Variants in MAPKAPK3 observed in about 807,000 individuals in gnomAD.
The protein encoded by MAPKAPK3 is MAP kinase-activated protein kinase 3.
Under a neutral mutation model 49.2 loss-of-function variants are expected in MAPKAPK3, and 35 were observed. The observed-to-expected ratio is 0.71, with a 90% CI of 0.54 to 0.94. MAPKAPK3 has a LOEUF of 0.94. Among genes scored for constraint, MAPKAPK3 ranks in the 40% least tolerant of loss-of-function variants. MAPKAPK3 has a pLI of 0.00. For missense variants in MAPKAPK3, 398 were observed against 493.1 expected (o/e 0.81, Z 1.83); for synonymous variants, 178 against 188.7 (o/e 0.94, Z 0.46).
At chr3:50,633,395 G>C (rs918231259) in intron 2 of MAPKAPK3, among the ~76,000 whole-genome samples, 1 of 149,438 alleles carries the variant, frequency 6.7e-6, no homozygotes, top group Non-Finnish European at 1.5e-5. Context: ...CCCTACACAC[G>C]ATGTATGCAT....
upstream of MAPKAPK3, chr3:50,612,794 G>A (rs454386): frequency 6.6e-6 from 1 of 152,160 alleles, no homozygotes. Flanking sequence ...TAGGGTGATA[G>A]AGGTTGGGGC....
Position 50,645,737 on chromosome 3 carries a change from A to T in MAPKAPK3, c.656A>T (p.Tyr219Phe). ...VAPEVLGPEKYDKSCDMWSLG... is the reference protein window; with the variant it reads ...VAPEVLGPEKFDKSCDMWSLG... ...CCTGAGGTCCTGGGTCCAGAGAAGT[A>T]TGACAAGTCATGTGACATGTGGTCC... Residue 219 changes from tyrosine (Y) to phenylalanine (F), a missense_variant, in exon 7 of 11, where the codon TAT (tyrosine) becomes TTT (phenylalanine). Tyr to Phe is a conservative substitution (Grantham distance 22). Transcript: ENST00000621469. 1.9e-6 allele frequency: 3 copies of T among 1,614,100 alleles called. No homozygotes were observed. Among genetic ancestry groups the T allele is most frequent in the Non-Finnish European group, 2.5e-6 (3 of 1,180,000 alleles).
chr3:50,624,059 G>A (rs2032674421), intron 2 of MAPKAPK3, among the ~76,000 whole-genome samples: 1 of 152,256 alleles, frequency 6.6e-6, no homozygotes, highest in Admixed American at 6.5e-5. Flanking sequence ...CCCAGGCCTT[G>A]TGAGTCTCAG....
chr3:50,636,270 A>G (rs2033039762), intron 2 of MAPKAPK3, among the ~76,000 whole-genome samples: 1 of 152,224 alleles, frequency 6.6e-6, no homozygotes, highest in African/African-American at 2.4e-5. Context: ...GGGATCAGCC[A>G]TGTGATTTGG....
At chr3:50,645,368 A>G (rs2033266033) in intron 6 of MAPKAPK3, among the ~76,000 whole-genome samples, 1 of 152,140 alleles carries the variant, frequency 6.6e-6, no homozygotes, top group African/African-American at 2.4e-5. Flanking sequence ...GGCAAGGGAC[A>G]CAGGACAGCT....
chr3:50,644,298 TG>T, intron 5 of MAPKAPK3, 110 bp from the exon 6 acceptor site: 1 of 1,292,036 alleles, frequency 7.7e-7, no homozygotes. Context: ...TAAATGGACC[TG>T]GCTCCTTCTG....
At chr3:50,646,110 C>G (rs1183364589) in intron 7 of MAPKAPK3, 30 bp from the exon 8 acceptor site, 14 of 1,608,602 alleles carry the variant, frequency 8.7e-6, no homozygotes, top group Non-Finnish European at 1.2e-5. Flanking sequence ...TGCTCCCACC[C>G]TATGCCAAAT....
intron 2 of MAPKAPK3, among the ~76,000 whole-genome samples, chr3:50,619,512 G>A (rs536503951): frequency 2.0e-5 from 3 of 152,274 alleles, no homozygotes; most frequent in East Asian, 1.9e-4. Flanking sequence ...GAGGGCAGAC[G>A]GGGGTAAGAG....
upstream of MAPKAPK3, among the ~76,000 whole-genome samples, chr3:50,614,500 A>AGT (rs3066739): frequency 0.38 from 52,414 of 138,628 alleles, 9,804 homozygotes; most frequent in Non-Finnish European, 0.41. Context: ...GTAAGGACAG[A>AGT]GTGTGTGTGT....
At chr3:50,644,232 A>T (rs1300268780) in intron 5 of MAPKAPK3, among the ~76,000 whole-genome samples, 177 bp from the exon 6 acceptor site, 1 of 152,130 alleles carries the variant, frequency 6.6e-6, no homozygotes, top group Non-Finnish European at 1.5e-5. Context: ...TGAAGGTAGC[A>T]CCTTGGGTTT....
intron 2 of MAPKAPK3, among the ~76,000 whole-genome samples, chr3:50,620,157 G>T (rs967597564): frequency 2.6e-5 from 4 of 152,212 alleles, no homozygotes; most frequent in African/African-American, 7.2e-5. Flanking sequence ...CTTGTGAGTG[G>T]TAGCTGTGGC....
In MAPKAPK3 at chr3:50,632,202, G is replaced by A. The variant is rs2032931775; in HGVS notation, c.220-8164G>A. On this transcript the variant is annotated intron_variant, in intron 2 of 10. Transcript: ENST00000621469. ...GGTTTTCTCCTATATAAGGTTTGAT[G>A]TGAAATCCCTTTTAGAATTTCGTCC... Among the ~76,000 whole-genome samples, 3 of 152,228 alleles carry A rather than the reference G, an allele frequency of 2.0e-5. No individual in the cohort carries two copies. In the South Asian group the frequency reaches 6.2e-4, roughly 31 times the overall value.
At chr3:50,634,843 C>A (rs1429407543) in intron 2 of MAPKAPK3, among the ~76,000 whole-genome samples, 1 of 152,212 alleles carries the variant, frequency 6.6e-6, no homozygotes, top group African/African-American at 2.4e-5. Flanking sequence ...GACATCATTG[C>A]CCATTTCAGG....
intron 5 of MAPKAPK3, among the ~76,000 whole-genome samples, chr3:50,643,977 C>T (rs2107599796): frequency 6.6e-6 from 1 of 152,318 alleles, no homozygotes; most frequent in African/African-American, 2.4e-5. Context: ...CCAGGGCCTT[C>T]TCCCCTGAGC....
chr3:50,635,466 G>A (rs958331648), intron 2 of MAPKAPK3, among the ~76,000 whole-genome samples: 7 of 113,390 alleles, frequency 6.2e-5, no homozygotes, highest in Non-Finnish European at 8.2e-5. Flanking sequence ...CATCTAGGCT[G>A]TAGTGCAGTG....
intron 2 of MAPKAPK3, among the ~76,000 whole-genome samples, chr3:50,629,602 T>C (rs1320465463): frequency 6.6e-6 from 1 of 151,692 alleles, no homozygotes; most frequent in Non-Finnish European, 1.5e-5. Flanking sequence ...CACAGGGGAG[T>C]TGGGAATAGA....
chr3:50,631,206 G>T (rs1289393086), intron 2 of MAPKAPK3, among the ~76,000 whole-genome samples: 1 of 152,220 alleles, frequency 6.6e-6, no homozygotes, highest in Non-Finnish European at 1.5e-5. Context: ...CTCGGAGAAT[G>T]AGTTTGTGAG....
intron 2 of MAPKAPK3, among the ~76,000 whole-genome samples, chr3:50,621,178 C>T (rs902842854): frequency 2.2e-4 from 34 of 152,264 alleles, no homozygotes; most frequent in Non-Finnish European, 2.9e-4. Flanking sequence ...AAGCAATAGG[C>T]TGGGTGCGGT....
At chr3:50,616,947 G>A (rs533483776), upstream of MAPKAPK3, among the ~76,000 whole-genome samples, 1 of 152,120 alleles carries the variant, frequency 6.6e-6, no homozygotes, top group Admixed American at 6.5e-5. Flanking sequence ...GGAAACCGAG[G>A]AAGTAACCGC....
Sources: allele counts gnomAD v4.1 joint callset (sites outside exome capture counted in the v4.1 genomes callset), GRCh38; gene constraint gnomAD v4.1.1; transcripts MANE v1.5; gene names NCBI Gene and HGNC (gene_info 2026-07-23, HGNC 2026-07-21).